C3: variants seen among roughly 807,000 people sequenced by gnomAD.
C3 encodes the protein C3 and PZP-like alpha-2-macroglobulin domain-containing protein 1.
In C3, 97 loss-of-function variants were observed where a neutral mutation model predicts 207.9. The observed-to-expected ratio is 0.47, with a 90% confidence interval of 0.40 to 0.55. C3 has a LOEUF of 0.55. Ranked by LOEUF, C3 falls within the 20% of genes least tolerant of loss-of-function variation. The pLI is 0.00. For missense variants in C3, 1,684 were observed against 2,171.7 expected (o/e 0.78, Z 4.46); for synonymous variants, 848 against 857.6 (o/e 0.99, Z 0.20).
chr19:6,692,058 T>C (rs576025540), intron 26 of C3, among the ~76,000 whole-genome samples: 34 of 150,852 alleles, frequency 2.3e-4, no homozygotes, highest in African/African-American at 7.8e-4. Flanking sequence ...GATTCCTGGG[T>C]CCTGCCCCTA....
At position 6,684,432 on chromosome 19, in the gene C3, C is replaced by T. The variant is rs1917945441; in HGVS notation, c.4128G>A (p.Arg1376=). The stretch of plus-strand genomic sequence containing the variant: ...TCATAGTGTTCTTGGCATCCTGAGG[C>T]CTCTTTTCTAGAAACACAGAAGAGA... ...TIKPAPETEK[R]PQDAKNTMIL... is the part of the protein sequence containing the mutation. Residue 1376 remains arginine (R), a synonymous_variant, in exon 33 of 41, where the codon AGG becomes AGA. Coordinates refer to ENST00000245907, the MANE Select transcript of C3 (RefSeq NM_000064.4). The T allele has an allele frequency of 6.2e-7, 1 of 1,613,572 alleles. No individual in the cohort carries two copies. Among genetic ancestry groups the T allele is most frequent in the Non-Finnish European group, 8.5e-7 (1 of 1,179,506 alleles).
chr19:6,690,801 T>G, intron 26 of C3, 74 bp from the exon 27 acceptor site: 1 of 1,185,338 alleles, frequency 8.4e-7, no homozygotes, highest in Non-Finnish European at 1.2e-6. Context: ...CCCTTGCAGA[T>G]TCAGAATCAG....
intron 9 of C3, 56 bp from the exon 10 acceptor site, chr19:6,712,679 C>T (rs1214054638): frequency 3.5e-6 from 5 of 1,439,308 alleles, no homozygotes; most frequent in African/African-American, 1.4e-5. Context: ...GATTAGACCT[C>T]CTCCCTCAGA....
Position 6,702,668 on chromosome 19 carries a change from C to A in C3, c.2246-89G>T, listed in dbSNP as rs959616843. ...ATCCCAGCACTTAGGGAGGCCAAGG[C>A]AGGTGGATCACTTGAGGCCAGGAGT... On this transcript the variant is annotated intron_variant, in intron 17 of 40. Transcript: ENST00000245907. The A allele has an allele frequency of 4.5e-6, 4 of 881,160 alleles. No homozygotes were observed. In the Admixed American group the frequency reaches 5.2e-5, roughly 11 times the overall value. The allele number at this position is 881,160 out of a possible 1,614,324, so 54.6% of individuals were successfully genotyped here. A position where few individuals can be genotyped will look rare whatever the true frequency, so the allele number is the denominator to read the frequency against.
In C3 at chr19:6,686,876, T is replaced by C; in HGVS notation, c.3516A>G (p.Ala1172=). 6.2e-7 allele frequency: 1 copy of C among 1,614,230 alleles called. No individual in the cohort carries two copies. The highest frequency in any genetic ancestry group is 8.5e-7 in the Non-Finnish European group (1 of 1,180,030). The change falls in exon 28 of 41, where the codon GCA becomes GCG. Residue 1172 remains alanine (A), a synonymous_variant. Transcript: ENST00000245907. ...TGTAGTTGGCTTCAAGGAAGTCTCC[T>C]GCTTTAGTGATGCTGCCTGGCAGGC... The part of the protein sequence containing the change: ...VNSLPGSITK[A]GDFLEANYMN...
intron 17 of C3, chr19:6,702,967 G>T: frequency 3.3e-6 from 1 of 305,208 alleles, no homozygotes. Flanking sequence ...CCAGGAGGTG[G>T]AGGTTGCAGT....
chr19:6,684,151 C>G, intron 33 of C3: 1 of 605,128 alleles, frequency 1.7e-6, no homozygotes, highest in South Asian at 1.8e-5. Flanking sequence ...TGTGTACTTT[C>G]CTCCATTGAT....
chr19:6,709,615 AC>A, intron 14 of C3, 68 bp downstream of exon 14: 2 of 403,606 alleles, frequency 5.0e-6, no homozygotes, highest in Non-Finnish European at 8.8e-6. Flanking sequence ...CTCCAGTCCC[AC>A]CCACCTCCCC....
intron 19 of C3, among the ~76,000 whole-genome samples, chr19:6,701,608 C>T (rs1967675334): frequency 6.6e-6 from 1 of 152,178 alleles, no homozygotes. Flanking sequence ...GCAACCTCCA[C>T]CTCCCGGGTT....
chr19:6,720,568 T>G lies in C3; in HGVS notation c.22A>C (p.Ser8Arg). ...TGGGTTAGTAGCAGGAGCAGCAGGC[T>G]GGGACCTGAGGTGGGTCCCATGGTG... MGPTSGP[S>R]LLLLLLTHLP... is the part of the protein sequence containing the mutation. Residue 8 changes from serine (S) to arginine (R), a missense_variant, in exon 1 of 41, where the codon AGC becomes CGC. Ser to Arg is a moderately radical substitution (Grantham distance 110, BLOSUM62 -1). Around this residue, in one of 3 missense-constraint regions of C3, gnomAD observed 58 missense variants for 52.5 expected, o/e 1.10. Transcript: ENST00000245907. 6.3e-7 allele frequency: 1 copy of G among 1,587,228 alleles called. No homozygotes were observed. Among genetic ancestry groups the G allele is most frequent in the Non-Finnish European group, 8.6e-7 (1 of 1,166,392 alleles).
intron 25 of C3, 66 bp downstream of exon 25, chr19:6,693,346 G>T: frequency 6.7e-7 from 1 of 1,486,954 alleles, no homozygotes; most frequent in Non-Finnish European, 9.2e-7. Flanking sequence ...CCTGGCCAGG[G>T]TCCGGGCCCT....
At chr19:6,708,797 G>A (rs554245582) in intron 14 of C3, among the ~76,000 whole-genome samples, 2 of 149,672 alleles carry the variant, frequency 1.3e-5, no homozygotes, top group Admixed American at 6.7e-5. Flanking sequence ...AGCAATCCTC[G>A]CACCTCTGCC....
In C3 at chr19:6,702,471, C is replaced by A; in HGVS notation, c.2354G>T (p.Gly785Val). 6.2e-7 allele frequency: 1 copy of A among 1,606,390 alleles called. No homozygotes were observed. Among genetic ancestry groups the A allele is most frequent in the Non-Finnish European group, 8.5e-7 (1 of 1,172,944 alleles). ...TGTACCGGGGGTACCCCGGCCTTAC[C>A]CATTTTTCGGTGGCTCTTTCAAGTC... The part of the protein sequence containing the change: ...VEDLKEPPKN[G>V]ISTKLMNIFL... Residue 785 changes from glycine to valine, a missense_variant and splice_region_variant, in exon 18 of 41, where the codon GGA (glycine) becomes GTA (valine). By Grantham distance (109) the Gly-to-Val change is moderately radical (BLOSUM62 -3). Around this residue, in one of 3 missense-constraint regions of C3, gnomAD observed 1,280 missense variants for 1,739.1 expected, o/e 0.74. Transcript: ENST00000245907.
intron 38 of C3, among the ~76,000 whole-genome samples, chr19:6,678,733 A>C (rs1917784600): frequency 6.6e-6 from 1 of 152,084 alleles, no homozygotes; most frequent in Non-Finnish European, 1.5e-5. Flanking sequence ...AGAGTGACTC[A>C]TATGCACAAA....
In C3 at chr19:6,685,043, G is replaced by A. The variant is rs1336193098; in HGVS notation, c.3914C>T (p.Ser1305Phe). Residue 1305 changes from serine to phenylalanine, a missense_variant, in exon 30 of 41, where the codon TCC becomes TTC. Transcript: ENST00000245907. ...DVSLQLPSRS[S>F]KITHRIHWES... is the part of the protein sequence containing the mutation. ...CCAGTGGATACGGTGGGTGATCTTG[G>A]AGCTGCGGCTGGGCAGTTGGAGGGA... The A allele has an allele frequency of 1.2e-6, 2 of 1,614,064 alleles. No individual in the cohort carries two copies. The highest frequency in any genetic ancestry group is 2.2e-5 in the South Asian group (2 of 91,054).
chr19:6,707,108 T>C lies in C3; in HGVS notation c.2213A>G (p.His738Arg). Residue 738 changes from histidine to arginine, a missense_variant, in exon 17 of 41, where the codon CAC (histidine) becomes CGC (arginine). Coordinates refer to ENST00000245907, the MANE Select transcript of C3 (RefSeq NM_000064.4). Reference sequence around the variant, plus strand: ...CAGGCCCAGGTGGCTGGCCCGCGCGTGCTGCCGCCGCAGCTCTGTGATGTA... The same window carrying C: ...CAGGCCCAGGTGGCTGGCCCGCGCGCGCTGCCGCCGCAGCTCTGTGATGTA... ...CNYITELRRQ[H>R]ARASHLGLAR... The C allele has an allele frequency of 6.2e-7, 1 of 1,611,726 alleles. No individual in the cohort carries two copies. Among genetic ancestry groups the C allele is most frequent in the Non-Finnish European group, 8.5e-7 (1 of 1,179,184 alleles).
At chr19:6,684,512 G>C (rs1917947650) in intron 32 of C3, 48 bp downstream of exon 32, 1 of 1,573,702 alleles carries the variant, frequency 6.4e-7, no homozygotes, top group Admixed American at 1.7e-5. Context: ...GAAGACATTA[G>C]AAGAGGGGTA....
chr19:6,684,135 A>C (rs1917936661), intron 33 of C3: 1 of 568,790 alleles, frequency 1.8e-6, no homozygotes, highest in Non-Finnish European at 3.2e-6. Flanking sequence ...AAGGTCATGG[A>C]ATGATTGTGT....
At chr19:6,713,593 C>G in intron 7 of C3, 84 bp from the exon 8 acceptor site, 3 of 1,082,664 alleles carry the variant, frequency 2.8e-6, no homozygotes, top group Non-Finnish European at 4.2e-6. Context: ...GTGCTGAAGA[C>G]TGGAGCCCCC....
Sources: allele counts gnomAD v4.1 joint callset (sites outside exome capture counted in the v4.1 genomes callset), GRCh38; gene constraint gnomAD v4.1.1; regional missense constraint gnomAD v4.1.1; transcripts MANE v1.5; gene names NCBI Gene and HGNC (gene_info 2026-07-23, HGNC 2026-07-21).